The following RNF212B variants were observed in gnomAD, a reference collection of about 807,000 sequenced individuals.
The protein encoded by RNF212B is E3 ubiquitin-protein ligase RNF212B.
Under a neutral mutation model 55.5 loss-of-function variants are expected in RNF212B, and 52 were observed. The ratio of observed to expected loss-of-function variants is 0.94; its 90% CI spans 0.75 to 1.18. RNF212B has a LOEUF of 1.18. Among genes scored for constraint, RNF212B ranks in the 50% most tolerant of loss-of-function variants. The probability of loss-of-function intolerance (pLI) is 0.00; values close to 1 mark genes in which losing one functional copy is unlikely to be tolerated. For missense variants in RNF212B, 289 were observed against 350.4 expected (o/e 0.82, Z 1.40); for synonymous variants, 99 against 121.4 (o/e 0.82, Z 1.21).
intron 6 of RNF212B, among the ~76,000 whole-genome samples, 168 bp downstream of exon 6, chr14:23,260,112 C>T (rs1885186185): frequency 1.3e-5 from 2 of 152,126 alleles, no homozygotes; most frequent in South Asian, 2.1e-4. Context: ...TCTCAGCAGA[C>T]CTTGGGGGAC....
intron 2 of RNF212B, among the ~76,000 whole-genome samples, chr14:23,202,989 T>G: frequency 6.6e-6 from 1 of 152,180 alleles, no homozygotes; most frequent in East Asian, 1.9e-4. Context: ...GTTTTTTAAT[T>G]TTTCCATAGG....
intron 2 of RNF212B, among the ~76,000 whole-genome samples, chr14:23,224,782 A>C (rs1387197988): frequency 6.6e-6 from 1 of 152,250 alleles, no homozygotes; most frequent in Non-Finnish European, 1.5e-5. Flanking sequence ...AAGCTTCTGC[A>C]CAGCAAAGGA....
intron 3 of RNF212B, among the ~76,000 whole-genome samples, chr14:23,243,603 C>T (rs1442148540): frequency 1.4e-5 from 2 of 143,548 alleles, no homozygotes; most frequent in Non-Finnish European, 1.5e-5. Context: ...GGCTGAGGCA[C>T]GAGAATTACT....
chr14:23,258,719 A>C, intron 5 of RNF212B, 55 bp downstream of exon 5: 1 of 782,918 alleles, frequency 1.3e-6, no homozygotes, highest in South Asian at 1.9e-5. Context: ...TTTTCTAAGA[A>C]GTGACAGTCC....
chr14:23,204,704 A>T (rs1379231783), intron 2 of RNF212B, among the ~76,000 whole-genome samples: 1 of 152,150 alleles, frequency 6.6e-6, no homozygotes, highest in Non-Finnish European at 1.5e-5. Context: ...TTGGCTATGC[A>T]GGCACTTTTT....
chr14:23,260,415 C>T (rs563377316), intron 6 of RNF212B, among the ~76,000 whole-genome samples: 3 of 152,282 alleles, frequency 2.0e-5, no homozygotes, highest in Admixed American at 1.3e-4. Context: ...CCAGAGACTC[C>T]GTATTTCCCC....
At chr14:23,246,651 C>T (rs1239249279) in intron 4 of RNF212B, among the ~76,000 whole-genome samples, 1 of 152,076 alleles carries the variant, frequency 6.6e-6, no homozygotes, top group Non-Finnish European at 1.5e-5. Context: ...TGTTCTCAAA[C>T]TCCTGGCCTC....
chr14:23,242,081 C>CAAAAAAAAAAAAA (rs58497672), intron 2 of RNF212B, among the ~76,000 whole-genome samples: 3 of 36,652 alleles, frequency 8.2e-5, no homozygotes, highest in African/African-American at 2.1e-4. Context: ...GACTCCGTCT[C>CAAAAAAAAAAAAA]AAAAAAAAAA....
At chr14:23,211,555 C>T (rs943556704) in intron 2 of RNF212B, among the ~76,000 whole-genome samples, 1 of 152,036 alleles carries the variant, frequency 6.6e-6, no homozygotes, top group Non-Finnish European at 1.5e-5. Flanking sequence ...AAGATCGTAC[C>T]AGAAAACTAA....
chr14:23,259,488 A>C (rs1182956723), intron 5 of RNF212B: 1 of 143,930 alleles, frequency 6.9e-6, no homozygotes, highest in South Asian at 2.2e-4. Context: ...AAGCATTTAC[A>C]TGTTAACTTT....
intron 2 of RNF212B, among the ~76,000 whole-genome samples, chr14:23,217,276 T>C (rs1454974142): frequency 6.6e-6 from 1 of 150,886 alleles, no homozygotes; most frequent in Non-Finnish European, 1.5e-5. Flanking sequence ...CTCCTCTGCC[T>C]GTGGAAAGGG....
chr14:23,251,343 C>T (rs933278759), intron 4 of RNF212B, among the ~76,000 whole-genome samples: 5 of 152,134 alleles, frequency 3.3e-5, no homozygotes, highest in Admixed American at 6.5e-5. Context: ...AAGACTGCCC[C>T]GACTCTGGAC....
In RNF212B at chr14:23,195,382, C is replaced by G. The variant is rs74036945; in HGVS notation, c.-2+1981C>G. On this transcript the variant is annotated intron_variant, in intron 2 of 15. Transcript: ENST00000399910. ...TAAATGAATTAAGCTATCAGAGGAACCAAATGGAATTATAAGCGCTTGACT... is the reference window on the plus strand; with the variant it reads ...TAAATGAATTAAGCTATCAGAGGAAGCAAATGGAATTATAAGCGCTTGACT... Among the ~76,000 whole-genome samples, 1,087 of 152,204 alleles carry G rather than the reference C, an allele frequency of 7.1e-3. 12 individuals are homozygous for G. Among genetic ancestry groups the G allele is most frequent in the African/African-American group, 0.024 (1,008 of 41,522 alleles).
intron 1 of RNF212B, among the ~76,000 whole-genome samples, chr14:23,190,687 T>C (rs1384959952): frequency 6.6e-6 from 1 of 152,198 alleles, no homozygotes; most frequent in East Asian, 1.9e-4. Flanking sequence ...CTCCTACAAA[T>C]GTTCCCCTAC....
chr14:23,193,091 T>TAA (rs3045528), intron 1 of RNF212B, among the ~76,000 whole-genome samples: 22 of 113,104 alleles, frequency 1.9e-4, no homozygotes, highest in African/African-American at 5.5e-4. Context: ...AAACTCTGTC[T>TAA]AAAAAAAAAA....
At chr14:23,228,495 G>A (rs1268544114) in intron 2 of RNF212B, among the ~76,000 whole-genome samples, 1 of 150,152 alleles carries the variant, frequency 6.7e-6, no homozygotes. Flanking sequence ...AAATTAACAG[G>A]TGTGGTGGCA....
Position 23,264,643 on chromosome 14 carries a change from AAGG to A in RNF212B, c.609_611del (p.Arg204del), listed in dbSNP as rs1329737664. On this transcript the variant is annotated inframe_deletion, in exon 11 of 15. Transcript: ENST00000430154. ...ATCAGGGAGGCAGAGGTCTGCAGGG[AAGG>A]AGAACTCCCAGAGACTCTTATAATG... The A allele has an allele frequency of 6.7e-6, 9 of 1,336,750 alleles. No homozygotes were observed. The highest frequency in any genetic ancestry group is 1.9e-4 in the Middle Eastern group (1 of 5,150). The allele number at this position is 1,336,750 out of a possible 1,614,324, so 82.8% of individuals were successfully genotyped here.
intron 4 of RNF212B, among the ~76,000 whole-genome samples, chr14:23,254,753 C>G (rs1225776508): frequency 6.6e-6 from 1 of 152,138 alleles, no homozygotes; most frequent in African/African-American, 2.4e-5. Context: ...ACCAAAACGT[C>G]TTGTCTTATC....
intron 2 of RNF212B, among the ~76,000 whole-genome samples, chr14:23,203,211 C>G (rs1041044182): frequency 1.3e-5 from 2 of 151,892 alleles, no homozygotes; most frequent in Admixed American, 6.6e-5. Flanking sequence ...AGCTTAGCTT[C>G]CACAGATCAG....
Sources: gnomAD v4.1 joint callset for allele counts (sites outside exome capture counted in the v4.1 genomes callset) on GRCh38, gnomAD v4.1.1 for gene constraint, MANE v1.5 for transcripts, NCBI Gene and HGNC (gene_info 2026-07-23, HGNC 2026-07-21) for gene names.